The following NLGN1 variants were observed in gnomAD, a reference collection of about 807,000 sequenced individuals.
NLGN1 encodes the protein neuroligin 1.
NLGN1 carries 12 observed loss-of-function variants against 65.5 expected under a neutral mutation model. The observed-to-expected ratio is 0.18, with a 90% CI of 0.12 to 0.30. The LOEUF (loss-of-function observed/expected upper bound fraction) is 0.30, where lower values mean the gene tolerates loss of function less well. NLGN1 is among the 10% of genes least tolerant of loss of function. The probability of loss-of-function intolerance (pLI) is 1.00; values close to 1 mark genes in which losing one functional copy is unlikely to be tolerated. For missense variants in NLGN1, 750 were observed against 1,007.1 expected (o/e 0.74, Z 3.46); for synonymous variants, 350 against 359.5 (o/e 0.97, Z 0.30).
chr3:173,687,586 T>G (rs1764861959), intron 3 of NLGN1, among the ~76,000 whole-genome samples: 1 of 152,234 alleles, frequency 6.6e-6, no homozygotes, highest in Non-Finnish European at 1.5e-5. Flanking sequence ...AAAACAGTTG[T>G]ATTTTGGGAG....
intron 4 of NLGN1, among the ~76,000 whole-genome samples, chr3:174,260,063 T>A (rs912073874): frequency 3.3e-5 from 5 of 152,190 alleles, no homozygotes; most frequent in African/African-American, 1.2e-4. Context: ...ATGTGCCACA[T>A]TTTCTTAATC....
At chr3:173,549,778 G>A (rs1740532469) in intron 2 of NLGN1, among the ~76,000 whole-genome samples, 1 of 152,012 alleles carries the variant, frequency 6.6e-6, no homozygotes, top group South Asian at 2.1e-4. Context: ...CTTAGGATTT[G>A]AAGGACAAGC....
chr3:174,272,694 GATAGATAGATAGAT>G (rs1342111366), intron 4 of NLGN1, among the ~76,000 whole-genome samples: 6 of 149,692 alleles, frequency 4.0e-5, no homozygotes, highest in Admixed American at 2.0e-4. Context: ...TAGATAGATA[GATAGATAGATAGAT>G]ATAGATAGAT....
chr3:173,461,514 CTA>C (rs1242844351), intron 2 of NLGN1, among the ~76,000 whole-genome samples: 2 of 152,080 alleles, frequency 1.3e-5, no homozygotes, highest in African/African-American at 2.4e-5. Flanking sequence ...CAACCTCACT[CTA>C]TTTGAACATC....
intron 3 of NLGN1, among the ~76,000 whole-genome samples, chr3:173,721,953 A>AG (rs397774486): frequency 5.3e-5 from 8 of 150,558 alleles, no homozygotes; most frequent in Admixed American, 4.0e-4. Context: ...AAAAAAAAAA[A>AG]GGGACCCCAG....
chr3:173,871,226 G>A lies in NLGN1; in HGVS notation c.646+63394G>A, dbSNP rs183520007. On this transcript the variant is annotated intron_variant, in intron 4 of 6. Transcript: ENST00000457714. ...CCCCTTACCACAGATTTCACCCTAT[G>A]TGCCTCTTTATCTGGCTGTTGATCT... is the stretch of plus-strand genomic sequence containing the variant. 3.0e-4 allele frequency among the ~76,000 whole-genome samples: 46 copies of A among 152,244 alleles called. 1 individual carries two copies. The highest frequency in any genetic ancestry group is 1.0e-3 in the African/African-American group (43 of 41,552).
chr3:174,043,593 A>G (rs1732840699), intron 4 of NLGN1, among the ~76,000 whole-genome samples: 1 of 152,208 alleles, frequency 6.6e-6, no homozygotes, highest in Non-Finnish European at 1.5e-5. Context: ...CTTTGACTCC[A>G]TGTCTCACAT....
At chr3:174,080,240 C>G (rs1457434219) in intron 4 of NLGN1, among the ~76,000 whole-genome samples, 1 of 152,114 alleles carries the variant, frequency 6.6e-6, no homozygotes, top group African/African-American at 2.4e-5. Context: ...TCCTATAGTT[C>G]TGTTACCGGC....
intron 4 of NLGN1, among the ~76,000 whole-genome samples, chr3:174,153,525 A>G (rs776028283): frequency 1.4e-4 from 21 of 152,154 alleles, no homozygotes; most frequent in Non-Finnish European, 2.8e-4. Flanking sequence ...CCTACAACTT[A>G]ATAATCACAT....
chr3:173,468,352 C>T (rs1194758907), intron 2 of NLGN1, among the ~76,000 whole-genome samples: 1 of 152,100 alleles, frequency 6.6e-6, no homozygotes, highest in Non-Finnish European at 1.5e-5. Context: ...CTTGGAACTT[C>T]TGGGATGGTA....
chr3:173,830,003 A>AGTGTGG (rs1722178395), intron 4 of NLGN1, among the ~76,000 whole-genome samples: 1 of 127,052 alleles, frequency 7.9e-6, no homozygotes, highest in Non-Finnish European at 1.6e-5. Flanking sequence ...TACAGTGGGT[A>AGTGTGG]GTGTGGGGGG....
intron 4 of NLGN1, among the ~76,000 whole-genome samples, chr3:173,810,301 T>C (rs1214798561): frequency 6.6e-6 from 1 of 152,150 alleles, no homozygotes; most frequent in Non-Finnish European, 1.5e-5. Context: ...GAGATTGATG[T>C]TGTGAATAGT....
chr3:173,644,351 G>T, intron 3 of NLGN1: 1 of 157,128 alleles, frequency 6.4e-6, no homozygotes, highest in South Asian at 2.0e-4. Flanking sequence ...GGAAGTTCCA[G>T]GCAAGCATGT....
chr3:173,780,567 A>G (rs1780974017), intron 3 of NLGN1, among the ~76,000 whole-genome samples: 1 of 152,222 alleles, frequency 6.6e-6, no homozygotes, highest in Admixed American at 6.5e-5. Context: ...TAATCCAACC[A>G]TAATGTTATT....
Position 174,007,073 on chromosome 3 carries a change from T to TA in NLGN1, c.646+199248dup, listed in dbSNP as rs567464126. Among the ~76,000 whole-genome samples, 590 of 151,498 alleles carry TA rather than the reference T, an allele frequency of 3.9e-3. 5 individuals carry two copies. The highest frequency in any genetic ancestry group is 0.013 in the African/African-American group (557 of 41,276). ...ACAGACCAAGACTTCATCTCAAAAA[T>TA]AAAAAAATAAAAAGACAAGATTCAG... On this transcript the variant is annotated intron_variant, in intron 4 of 6. Coordinates refer to ENST00000457714, the Ensembl canonical transcript of NLGN1.
chr3:173,432,108 A>T (rs545566178), intron 1 of NLGN1, among the ~76,000 whole-genome samples: 6 of 152,278 alleles, frequency 3.9e-5, no homozygotes, highest in Admixed American at 1.3e-4. Context: ...AATATGCATA[A>T]CAGTTTATCC....
At position 174,129,931 on chromosome 3, in the gene NLGN1, C is replaced by T. The variant is rs1434148777; in HGVS notation, c.647-145384C>T. ...TTTACATTTACTACTGATAAGACGA[C>T]GTTGTTCATTGAATCCAAACTTCTC... On this transcript the variant is annotated intron_variant, in intron 4 of 6. Coordinates refer to ENST00000457714, the Ensembl canonical transcript of NLGN1. 3.9e-5 allele frequency among the ~76,000 whole-genome samples: 6 copies of T among 152,184 alleles called. No individual in the cohort carries two copies. In the South Asian group the frequency reaches 8.3e-4, roughly 21 times the overall value.
chr3:173,807,237 T>C (rs1422716781), intron 3 of NLGN1, among the ~76,000 whole-genome samples: 2 of 152,168 alleles, frequency 1.3e-5, no homozygotes, highest in African/African-American at 4.8e-5. Context: ...TTACAGTACA[T>C]AAGAAAGGTT....
Position 173,421,859 on chromosome 3 carries a change from C to T in NLGN1, c.-389-13151C>T, listed in dbSNP as rs75380393. Among the ~76,000 whole-genome samples the T allele has an allele frequency of 4.7e-3, 715 of 152,098 alleles. 12 individuals are homozygous for T. Among genetic ancestry groups the T allele is most frequent in the African/African-American group, 0.016 (678 of 41,490 alleles). ...TGTTTTGTTTTTAGTTGCTATGTCT[C>T]GTTAGGCTTCTTCAGTCTGATATAG... is the stretch of plus-strand genomic sequence containing the variant. On this transcript the variant is annotated intron_variant, in intron 1 of 6. Coordinates refer to ENST00000457714, the Ensembl canonical transcript of NLGN1.
Sources: gnomAD v4.1 joint callset for allele counts (sites outside exome capture counted in the v4.1 genomes callset) on GRCh38, gnomAD v4.1.1 for gene constraint, MANE v1.5 for transcripts, NCBI Gene and HGNC (gene_info 2026-07-23, HGNC 2026-07-21) for gene names.